Variants in TLL1 observed in about 807,000 individuals in gnomAD.
The protein encoded by TLL1 is tolloid like 1.
In TLL1, 49 loss-of-function variants were observed where a neutral mutation model predicts 128.2. That is an observed-to-expected ratio of 0.38 (90% CI 0.30 to 0.48). TLL1 has a LOEUF of 0.48. TLL1 is among the 20% of genes least tolerant of loss of function. The pLI is 0.96. For synonymous variants in TLL1, 454 were observed against 418.8 expected (o/e 1.08, Z -1.03); for missense variants, 1,123 against 1,242.0 (o/e 0.90, Z 1.44).
chr4:166,039,051 G>T (rs1739126004), intron 9 of TLL1, among the ~76,000 whole-genome samples: 1 of 151,842 alleles, frequency 6.6e-6, no homozygotes, highest in Admixed American at 6.6e-5. Flanking sequence ...CTTTACAATT[G>T]TCCAGATTAA....
At chr4:166,072,507 G>A (rs1740840536) in intron 16 of TLL1, among the ~76,000 whole-genome samples, 1 of 150,738 alleles carries the variant, frequency 6.6e-6, no homozygotes, top group Non-Finnish European at 1.5e-5. Flanking sequence ...TTAATGATTG[G>A]CTACAAAATC....
intron 5 of TLL1, among the ~76,000 whole-genome samples, chr4:166,003,039 G>GAAATACAACAT: frequency 6.6e-6 from 1 of 152,266 alleles, no homozygotes; most frequent in East Asian, 1.9e-4. Context: ...GATGGCTTCA[G>GAAATACAACAT]CTTAACTATA....
intron 1 of TLL1, among the ~76,000 whole-genome samples, chr4:165,961,373 T>C (rs1267868296): frequency 1.3e-5 from 2 of 152,166 alleles, no homozygotes; most frequent in African/African-American, 4.8e-5. Flanking sequence ...AGAATCAATA[T>C]TCTTAAAATG....
intron 7 of TLL1, 149 bp from the exon 8 acceptor site, chr4:166,014,287 G>A: frequency 8.9e-7 from 1 of 1,120,654 alleles, no homozygotes; most frequent in South Asian, 1.3e-5. Flanking sequence ...TGATGAAAGT[G>A]TTTTGAAAGC....
chr4:166,042,295 A>C, intron 11 of TLL1, 152 bp downstream of exon 11: 1 of 606,744 alleles, frequency 1.6e-6, no homozygotes, highest in Non-Finnish European at 3.0e-6. Flanking sequence ...TAATTTTAAC[A>C]GTAAATTTAA....
rs1167100532 is a variant in TLL1 at position 166,003,589 on chromosome 4, T to C, written c.811+20T>C. 3 of 1,613,330 alleles carry C rather than the reference T, an allele frequency of 1.9e-6. No individual in the cohort carries two copies. Among genetic ancestry groups the C allele is most frequent in the East Asian group, 2.2e-5 (1 of 44,850 alleles). On this transcript the variant is annotated intron_variant, in intron 6 of 20. Transcript: ENST00000061240. ...AGCCAGGTGAGAGGCATAGAATGTGTTGGGTTTAAGGCTGACTGGGTATCT... is the reference window on the plus strand; with the variant it reads ...AGCCAGGTGAGAGGCATAGAATGTGCTGGGTTTAAGGCTGACTGGGTATCT...
rs749988913 is a variant in TLL1 at position 166,098,322 on chromosome 4, G to A, written c.2657-955G>A. 1.4e-3 allele frequency among the ~76,000 whole-genome samples: 152 copies of A among 110,622 alleles called. 1 individual carries two copies. The highest frequency in any genetic ancestry group is 3.4e-3 in the African/African-American group (95 of 28,044). The allele number at this position is 110,622 out of a possible 152,430, so 72.6% of individuals were successfully genotyped here. On this transcript the variant is annotated intron_variant, in intron 19 of 20. Coordinates refer to ENST00000061240, the MANE Select transcript of TLL1 (RefSeq NM_012464.5). ...TGCACACCAGCCTGGGTGATAGAGCGAGAGTTCTTCTCAAAAAAAAAAAAA... is the reference window on the plus strand; with the variant it reads ...TGCACACCAGCCTGGGTGATAGAGCAAGAGTTCTTCTCAAAAAAAAAAAAA...
chr4:165,875,278 T>C (rs912386603), intron 1 of TLL1, among the ~76,000 whole-genome samples: 1 of 152,112 alleles, frequency 6.6e-6, no homozygotes, highest in Non-Finnish European at 1.5e-5. Context: ...TCACCCTCTC[T>C]TGGGCCTGGA....
intron 1 of TLL1, among the ~76,000 whole-genome samples, chr4:165,893,073 T>C (rs535878723): frequency 6.6e-6 from 1 of 152,330 alleles, no homozygotes; most frequent in East Asian, 1.9e-4. Context: ...AGAATGATGA[T>C]AATTTTTAAA....
intron 1 of TLL1, among the ~76,000 whole-genome samples, chr4:165,892,612 T>C (rs1324044070): frequency 1.3e-5 from 2 of 152,218 alleles, no homozygotes; most frequent in Non-Finnish European, 2.9e-5. Flanking sequence ...AGTACTCTTT[T>C]CTGAATAACT....
chr4:165,936,137 A>G (rs1446318742), intron 1 of TLL1, among the ~76,000 whole-genome samples: 3 of 150,080 alleles, frequency 2.0e-5, no homozygotes, highest in Non-Finnish European at 4.4e-5. Context: ...AATTTTAAAT[A>G]TTTGATGTGT....
intron 2 of TLL1, among the ~76,000 whole-genome samples, chr4:165,992,085 G>T (rs1736665107): frequency 6.6e-6 from 1 of 151,874 alleles, no homozygotes; most frequent in Non-Finnish European, 1.5e-5. Context: ...TGGTAAAATT[G>T]CAAGAACACA....
chr4:166,014,588 T>C (rs1371674770), intron 8 of TLL1, 28 bp downstream of exon 8: 2 of 1,609,514 alleles, frequency 1.2e-6, no homozygotes, highest in African/African-American at 1.3e-5. Context: ...CACAAGAGCA[T>C]GACTGTACTT....
chr4:166,006,017 G>A (rs568641171), intron 6 of TLL1, among the ~76,000 whole-genome samples: 1 of 151,756 alleles, frequency 6.6e-6, no homozygotes, highest in African/African-American at 2.4e-5. Context: ...GAGCAATTCT[G>A]GTATAAAAGT....
intron 1 of TLL1, among the ~76,000 whole-genome samples, chr4:165,883,460 C>A (rs1241896419): frequency 2.0e-5 from 3 of 152,140 alleles, no homozygotes; most frequent in African/African-American, 4.8e-5. Flanking sequence ...CACATAATAA[C>A]CATGTGTGGC....
At chr4:165,904,774 A>G (rs1301291980) in intron 1 of TLL1, among the ~76,000 whole-genome samples, 1 of 152,222 alleles carries the variant, frequency 6.6e-6, no homozygotes, top group Non-Finnish European at 1.5e-5. Flanking sequence ...GAAGACTTGC[A>G]TATGCAACCT....
At chr4:165,978,657 G>A (rs1736001977) in intron 1 of TLL1, among the ~76,000 whole-genome samples, 1 of 152,122 alleles carries the variant, frequency 6.6e-6, no homozygotes, top group Non-Finnish European at 1.5e-5. Flanking sequence ...AAGAACTTCG[G>A]ATGGTTTCTG....
At chr4:165,957,401 G>A (rs1182656188) in intron 1 of TLL1, among the ~76,000 whole-genome samples, 1 of 151,946 alleles carries the variant, frequency 6.6e-6, no homozygotes, top group Non-Finnish European at 1.5e-5. Context: ...ATAATAGTGG[G>A]GGAACTTCAG....
At chr4:165,962,137 A>C (rs2110961432) in intron 1 of TLL1, among the ~76,000 whole-genome samples, 1 of 152,262 alleles carries the variant, frequency 6.6e-6, no homozygotes, top group East Asian at 1.9e-4. Flanking sequence ...AGTAAACAAG[A>C]AGCTTATGGA....
Sources: allele counts gnomAD v4.1 joint callset (sites outside exome capture counted in the v4.1 genomes callset), GRCh38; gene constraint gnomAD v4.1.1; transcripts MANE v1.5; gene names NCBI Gene and HGNC (gene_info 2026-07-23, HGNC 2026-07-21).